Variants in ME2 observed in about 807,000 individuals in gnomAD.
ME2 encodes malic enzyme 2, also known as NAD-dependent malic enzyme, mitochondrial.
Under a neutral mutation model 73.7 loss-of-function variants are expected in ME2, and 60 were observed. That is an observed-to-expected ratio of 0.81 (90% CI 0.66 to 1.01). The LOEUF (loss-of-function observed/expected upper bound fraction) is 1.01, where lower values mean the gene tolerates loss of function less well. Among genes scored for constraint, ME2 ranks in the 50% least tolerant of loss-of-function variants. The pLI is 0.00. For missense variants in ME2, 594 were observed against 705.5 expected (o/e 0.84, Z 1.79); for synonymous variants, 199 against 236.9 (o/e 0.84, Z 1.47).
intron 2 of ME2, among the ~76,000 whole-genome samples, chr18:50,903,586 A>G (rs765140801): frequency 1.4e-4 from 21 of 152,062 alleles, no homozygotes; most frequent in African/African-American, 4.6e-4. Context: ...AGTACCTGGT[A>G]CTACAGGCAT....
At chr18:50,943,226 TTA>T (rs1428019527) in intron 15 of ME2, among the ~76,000 whole-genome samples, 2 of 152,190 alleles carry the variant, frequency 1.3e-5, no homozygotes, top group Non-Finnish European at 2.9e-5. Flanking sequence ...ACTGTGGAAT[TTA>T]TCAGCCACAA....
chr18:50,907,860 A>G (rs1270088698), intron 2 of ME2, among the ~76,000 whole-genome samples: 1 of 152,234 alleles, frequency 6.6e-6, no homozygotes, highest in East Asian at 1.9e-4. Flanking sequence ...AAACTAGTTT[A>G]TATTCCCAGC....
At chr18:50,891,629 G>T (rs986748644) in intron 1 of ME2, among the ~76,000 whole-genome samples, 33 of 152,052 alleles carry the variant, frequency 2.2e-4, no homozygotes, top group African/African-American at 8.0e-4. Flanking sequence ...AATTGGTTCC[G>T]CATGATCCCC....
In ME2 at chr18:50,939,406, C is replaced by G. The variant is rs571954445; in HGVS notation, c.1418-164C>G. Reference sequence around the variant, plus strand: ...TTAGCGAATAAGAATTATTAAAGATCGTTTGATTTTAACTCAGATTTCTGT... The same window carrying G: ...TTAGCGAATAAGAATTATTAAAGATGGTTTGATTTTAACTCAGATTTCTGT... On this transcript the variant is annotated intron_variant, in intron 13 of 15. Transcript: ENST00000321341. The G allele has an allele frequency of 3.0e-4, 151 of 507,542 alleles. 1 individual carries two copies. The highest frequency in any genetic ancestry group is 4.4e-4 in the Non-Finnish European group (123 of 282,444). 31.4% of individuals were successfully genotyped at this position (507,542 alleles called of 1,614,324 possible). A position where few individuals can be genotyped will look rare whatever the true frequency, so the allele number is the denominator to read the frequency against.
At chr18:50,924,530 T>C (rs554313712) in intron 11 of ME2, among the ~76,000 whole-genome samples, 4 of 152,302 alleles carry the variant, frequency 2.6e-5, no homozygotes, top group Admixed American at 2.6e-4. Flanking sequence ...CTCAAAGTTT[T>C]CGTGGGCAAC....
In ME2 at chr18:50,947,696, C is replaced by T. The variant is rs1918120209; in HGVS notation, c.*512C>T. 1 of 152,286 alleles carries T rather than the reference C, an allele frequency of 6.6e-6. No homozygotes were observed. The highest frequency in any genetic ancestry group is 2.1e-4 in the South Asian group (1 of 4,840). 9.4% of individuals were successfully genotyped at this position (152,286 alleles called of 1,614,324 possible). A position where few individuals can be genotyped will look rare whatever the true frequency, so the allele number is the denominator to read the frequency against. On this transcript the variant is annotated 3_prime_UTR_variant, in exon 16 of 16. Coordinates refer to ENST00000321341, the MANE Select transcript of ME2 (RefSeq NM_002396.5). ...CATCTTACCTTCATACTCTGAAATT[C>T]CCTATAGCAGACAGAGCTAGGGAAA...
rs138203692 is a variant in ME2, at chr18:50,897,831, C to A, written c.108+1903C>A. On this transcript the variant is annotated intron_variant, in intron 2 of 15. Transcript: ENST00000321341. ...CCGAGATCGTGCCATTGCATGCCATCCTGGGCAAGAAGAGCGAAACTCCAT... is the reference window on the plus strand; with the variant it reads ...CCGAGATCGTGCCATTGCATGCCATACTGGGCAAGAAGAGCGAAACTCCAT... 3.3e-3 allele frequency among the ~76,000 whole-genome samples: 501 copies of A among 151,680 alleles called. 3 individuals are homozygous for A. The highest frequency in any genetic ancestry group is 0.012 in the African/African-American group (483 of 41,260).
In ME2 at chr18:50,947,003, T is replaced by C; in HGVS notation, c.1588-14T>C. On this transcript the variant is annotated splice_polypyrimidine_tract_variant and intron_variant, in intron 15 of 15. Transcript: ENST00000321341. ...ATACTCAGAGCCTACACAATAACCTTACTTATTTTTCAGGTTACAGAATAC... is the reference window on the plus strand; with the variant it reads ...ATACTCAGAGCCTACACAATAACCTCACTTATTTTTCAGGTTACAGAATAC... 6.3e-7 allele frequency: 1 copy of C among 1,599,298 alleles called. No individual in the cohort carries two copies. Among genetic ancestry groups the C allele is most frequent in the Non-Finnish European group, 8.6e-7 (1 of 1,166,980 alleles).
chr18:50,926,735 C>G (rs894629264), intron 12 of ME2, among the ~76,000 whole-genome samples: 3 of 152,088 alleles, frequency 2.0e-5, no homozygotes, highest in Admixed American at 6.6e-5. Flanking sequence ...TCCTTTGGCC[C>G]TATTTTCCAG....
intron 15 of ME2, among the ~76,000 whole-genome samples, chr18:50,940,656 G>A (rs1300327526): frequency 6.6e-6 from 1 of 152,074 alleles, no homozygotes; most frequent in Non-Finnish European, 1.5e-5. Flanking sequence ...TAGAGATAGG[G>A]GTCTTCCTGT....
In ME2 at chr18:50,951,907, C is replaced by T. The variant is rs1190387784; in HGVS notation, c.*4723C>T. On this transcript the variant is annotated 3_prime_UTR_variant, in exon 16 of 16. Transcript: ENST00000321341. Reference sequence around the variant, plus strand: ...AAAAAAAAAAAAAAAAAAAAAATCTCCAGGGTTCTGTTGAATTCACCAAAA... The same window carrying T: ...AAAAAAAAAAAAAAAAAAAAAATCTTCAGGGTTCTGTTGAATTCACCAAAA... 2 of 137,778 alleles carry T rather than the reference C, an allele frequency of 1.5e-5. No individual in the cohort carries two copies. Among genetic ancestry groups the T allele is most frequent in the African/African-American group, 2.7e-5 (1 of 36,548 alleles). The allele number at this position is 137,778 out of a possible 1,614,324, so 8.5% of individuals were successfully genotyped here.
In ME2 at chr18:50,949,237, G is replaced by A. The variant is rs952204947; in HGVS notation, c.*2053G>A. Reference sequence around the variant, plus strand: ...GGAAAATGCAGTTGGTTAATTCATTGAACAGATTAGTAAAGTCAGAAGTCT... The same window carrying A: ...GGAAAATGCAGTTGGTTAATTCATTAAACAGATTAGTAAAGTCAGAAGTCT... On this transcript the variant is annotated 3_prime_UTR_variant, in exon 16 of 16. Coordinates refer to ENST00000321341, the MANE Select transcript of ME2 (RefSeq NM_002396.5). 2.6e-5 allele frequency: 4 copies of A among 152,224 alleles called. No individual in the cohort carries two copies. Among genetic ancestry groups the A allele is most frequent in the African/African-American group, 9.6e-5 (4 of 41,468 alleles). 9.4% of individuals were successfully genotyped at this position (152,224 alleles called of 1,614,324 possible). A position where few individuals can be genotyped will look rare whatever the true frequency, so the allele number is the denominator to read the frequency against.
rs1244521361 is a variant in ME2 at position 50,951,222 on chromosome 18, T to C, written c.*4038T>C. On this transcript the variant is annotated 3_prime_UTR_variant, in exon 16 of 16. Transcript: ENST00000321341. ...TCCTTTGTCCTTTTTCTGTAACTTG[T>C]CAGCCTCTGGAGAAATAGGATTTTA... The C allele has an allele frequency of 1.3e-5, 2 of 152,234 alleles. No homozygotes were observed. Among genetic ancestry groups the C allele is most frequent in the African/African-American group, 2.4e-5 (1 of 41,460 alleles). The allele number at this position is 152,234 out of a possible 1,614,324, so 9.4% of individuals were successfully genotyped here.
chr18:50,880,347 G>A (rs1439333153), intron 1 of ME2, among the ~76,000 whole-genome samples: 1 of 152,134 alleles, frequency 6.6e-6, no homozygotes, highest in Non-Finnish European at 1.5e-5. Flanking sequence ...CTTCATAGCT[G>A]CATCCTCCAC....
rs558021689 is a variant in ME2, at chr18:50,953,092, C to CTTTTTTT, written c.*5920_*5926dup. 1.9e-4 allele frequency: 26 copies of CTTTTTTT among 133,544 alleles called. No homozygotes were observed. The highest frequency in any genetic ancestry group is 2.4e-4 in the Non-Finnish European group (15 of 62,632). The allele number at this position is 133,544 out of a possible 1,614,324, so 8.3% of individuals were successfully genotyped here. A position where few individuals can be genotyped will look rare whatever the true frequency, so the allele number is the denominator to read the frequency against. On this transcript the variant is annotated 3_prime_UTR_variant, in exon 16 of 16. Transcript: ENST00000321341. ...CTTCAGATGAGAATTCTCACTTATT[C>CTTTTTTT]TTTTTTTTTTTTTTTTTTCTTTTCT... is the stretch of plus-strand genomic sequence containing the variant.
intron 1 of ME2, among the ~76,000 whole-genome samples, chr18:50,884,032 T>C (rs1229809449): frequency 1.3e-5 from 2 of 152,180 alleles, no homozygotes; most frequent in Non-Finnish European, 2.9e-5. Context: ...CCTCGTTCTG[T>C]CTTGTCTCCA....
At chr18:50,898,487 A>G (rs927574063) in intron 2 of ME2, among the ~76,000 whole-genome samples, 5 of 151,986 alleles carry the variant, frequency 3.3e-5, no homozygotes, top group East Asian at 1.9e-4. Flanking sequence ...CTGGAGTGCA[A>G]TGACACTATC....
intron 13 of ME2, chr18:50,934,896 G>A (rs1917781170): frequency 6.6e-6 from 1 of 152,174 alleles, no homozygotes; most frequent in Non-Finnish European, 1.5e-5. Flanking sequence ...CAAATGCACA[G>A]AACAAGCTTT....
chr18:50,952,327 C>T lies in ME2; in HGVS notation c.*5143C>T, dbSNP rs1918243233. ...TAAGTTCAGGTGGGCCTAATTAAGA[C>T]ATGACTATTATTACAAATCCTATTC... On this transcript the variant is annotated 3_prime_UTR_variant, in exon 16 of 16. Coordinates refer to ENST00000321341, the MANE Select transcript of ME2 (RefSeq NM_002396.5). The T allele has an allele frequency of 6.6e-6, 1 of 152,144 alleles. No individual in the cohort carries two copies. The highest frequency in any genetic ancestry group is 1.5e-5 in the Non-Finnish European group (1 of 68,030). The allele number at this position is 152,144 out of a possible 1,614,324, so 9.4% of individuals were successfully genotyped here.
Sources: allele counts gnomAD v4.1 joint callset (sites outside exome capture counted in the v4.1 genomes callset), GRCh38; gene constraint gnomAD v4.1.1; transcripts MANE v1.5; gene names NCBI Gene and HGNC (gene_info 2026-07-23, HGNC 2026-07-21).